The following DCDC1 variants were observed in gnomAD, a reference collection of about 807,000 sequenced individuals.
DCDC1 encodes the protein doublecortin domain-containing protein 1.
Under a neutral mutation model 178.3 loss-of-function variants are expected in DCDC1, and 200 were observed. The observed-to-expected ratio is 1.12, with a 90% CI of 1.00 to 1.26. DCDC1 has a LOEUF of 1.26. DCDC1 is among the 50% of genes most tolerant of loss of function. The pLI is 0.00. For synonymous variants in DCDC1, 690 were observed against 604.8 expected (o/e 1.14, Z -2.07); for missense variants, 1,983 against 1,749.2 (o/e 1.13, Z -2.38).
chr11:30,909,361 T>TG (rs1157735388), intron 28 of DCDC1, among the ~76,000 whole-genome samples: 1 of 152,160 alleles, frequency 6.6e-6, no homozygotes, highest in Admixed American at 6.5e-5. Flanking sequence ...CAATTTTTTT[T>TG]CTTAACAATA....
chr11:31,120,968 G>A (rs183556991), intron 11 of DCDC1, among the ~76,000 whole-genome samples: 6 of 152,308 alleles, frequency 3.9e-5, no homozygotes, highest in Admixed American at 3.9e-4. Context: ...GAAGGCAGAA[G>A]TCACTGAGCC....
At chr11:30,999,115 C>T (rs1270628837) in intron 20 of DCDC1, among the ~76,000 whole-genome samples, 1 of 152,060 alleles carries the variant, frequency 6.6e-6, no homozygotes. Context: ...AAAATGAGGA[C>T]ATTTTGGGAA....
chr11:31,193,629 G>T (rs993702883), intron 9 of DCDC1, among the ~76,000 whole-genome samples: 2 of 152,018 alleles, frequency 1.3e-5, no homozygotes, highest in African/African-American at 2.4e-5. Context: ...CCTTTACCTT[G>T]GAAAAATAAT....
At chr11:31,300,463 A>C (rs1252675179) in intron 6 of DCDC1, among the ~76,000 whole-genome samples, 1 of 152,152 alleles carries the variant, frequency 6.6e-6, no homozygotes, top group East Asian at 1.9e-4. Flanking sequence ...AGAAATATCC[A>C]ATAGGCATTT....
At chr11:31,069,626 C>G (rs1288691908) in intron 18 of DCDC1, among the ~76,000 whole-genome samples, 1 of 152,130 alleles carries the variant, frequency 6.6e-6, no homozygotes, top group Non-Finnish European at 1.5e-5. Flanking sequence ...CAGTAGAAAA[C>G]AAACAGTAGA....
At chr11:31,213,013 T>C (rs1354084062) in intron 9 of DCDC1, among the ~76,000 whole-genome samples, 1 of 151,924 alleles carries the variant, frequency 6.6e-6, no homozygotes, top group Admixed American at 6.6e-5. Flanking sequence ...TCCTTCTCTC[T>C]GCTCCTCACT....
intron 11 of DCDC1, among the ~76,000 whole-genome samples, chr11:31,124,777 A>T (rs531428426): frequency 6.6e-6 from 1 of 151,408 alleles, no homozygotes; most frequent in South Asian, 2.1e-4. Context: ...TATACAAAAA[A>T]CTCAGATGGA....
intron 20 of DCDC1, among the ~76,000 whole-genome samples, chr11:30,989,989 A>G (rs1950882710): frequency 6.6e-6 from 1 of 152,100 alleles, no homozygotes; most frequent in African/African-American, 2.4e-5. Context: ...AGCCCAAAAC[A>G]CTTAGACTGG....
chr11:31,290,713 C>G lies in DCDC1; in HGVS notation c.894G>C (p.Leu298=), dbSNP rs748382083. The G allele has an allele frequency of 1.9e-6, 3 of 1,613,378 alleles. No homozygotes were observed. The highest frequency in any genetic ancestry group is 1.3e-5 in the African/African-American group (1 of 74,896). Residue 298 remains leucine, a synonymous_variant, in exon 7 of 39, where the codon CTG becomes CTC. Coordinates refer to ENST00000684477, the MANE Select transcript of DCDC1 (RefSeq NM_001387274.1). ...KLTERTSVRI[L]FFKNGMGQDG... The stretch of plus-strand genomic sequence containing the variant: ...CCTGCCCCATGCCATTCTTAAAGAA[C>G]AGAATTCGGACTGAGGTCCTCTCAG...
At chr11:30,909,187 A>G in intron 28 of DCDC1, 71 bp from the exon 29 acceptor site, 1 of 1,350,710 alleles carries the variant, frequency 7.4e-7, no homozygotes, top group Non-Finnish European at 9.9e-7. Flanking sequence ...TTTTCATTGC[A>G]TATATCCAGA....
At chr11:30,954,005 C>CTTTTTT (rs5790847) in intron 20 of DCDC1, among the ~76,000 whole-genome samples, 11 of 76,508 alleles carry the variant, frequency 1.4e-4, no homozygotes, top group African/African-American at 3.8e-4. Context: ...TACAACAATT[C>CTTTTTT]TTTTTTTTTT....
Position 31,267,046 on chromosome 11 carries a change from T to C in DCDC1, c.961-1446A>G, listed in dbSNP as rs543801577. On this transcript the variant is annotated intron_variant, in intron 7 of 38. Coordinates refer to ENST00000684477, the MANE Select transcript of DCDC1 (RefSeq NM_001387274.1). ...ACTAATCATGTCCCCATGGACCACATGCTCCCATGACCATTCAAAGGGTTG... is the reference window on the plus strand; with the variant it reads ...ACTAATCATGTCCCCATGGACCACACGCTCCCATGACCATTCAAAGGGTTG... 5.3e-5 allele frequency among the ~76,000 whole-genome samples: 8 copies of C among 152,348 alleles called. No individual in the cohort carries two copies. The South Asian group carries it at 1.7e-3, about 32-fold the overall frequency.
chr11:30,979,049 A>G (rs1418314406), intron 20 of DCDC1, among the ~76,000 whole-genome samples: 1 of 152,222 alleles, frequency 6.6e-6, no homozygotes, highest in Admixed American at 6.6e-5. Flanking sequence ...TAGAGCCTCC[A>G]AACTCTGAAC....
chr11:31,191,261 A>G (rs1442190348), intron 9 of DCDC1, among the ~76,000 whole-genome samples: 1 of 152,072 alleles, frequency 6.6e-6, no homozygotes, highest in Non-Finnish European at 1.5e-5. Context: ...TGTGGAACCC[A>G]TGGATACAGA....
intron 8 of DCDC1, chr11:31,262,872 G>A: frequency 1.4e-5 from 7 of 503,232 alleles, no homozygotes; most frequent in Non-Finnish European, 2.0e-5. Context: ...TTTAAGTCCA[G>A]TGAACTTGTA....
intron 20 of DCDC1, among the ~76,000 whole-genome samples, chr11:31,011,566 T>C (rs1952167557): frequency 6.6e-6 from 1 of 152,186 alleles, no homozygotes; most frequent in African/African-American, 2.4e-5. Flanking sequence ...ATATTAACAA[T>C]GAAGTACCAT....
At chr11:31,224,032 A>T (rs540551718) in intron 9 of DCDC1, among the ~76,000 whole-genome samples, 2 of 152,030 alleles carry the variant, frequency 1.3e-5, no homozygotes, top group South Asian at 4.2e-4. Context: ...ATGAGATCTG[A>T]TGGGTTTATC....
At chr11:31,285,858 A>G (rs1946781556) in intron 7 of DCDC1, among the ~76,000 whole-genome samples, 3 of 152,132 alleles carry the variant, frequency 2.0e-5, no homozygotes, top group South Asian at 4.1e-4. Flanking sequence ...CTTGCTACAC[A>G]TAACCACTCT....
chr11:31,364,254 C>G (rs1273160042), intron 1 of DCDC1, among the ~76,000 whole-genome samples: 1 of 152,134 alleles, frequency 6.6e-6, no homozygotes, highest in Non-Finnish European at 1.5e-5. Flanking sequence ...CAAGGAGCTT[C>G]TGTATATAAA....
Sources: allele counts gnomAD v4.1 joint callset (sites outside exome capture counted in the v4.1 genomes callset), GRCh38; gene constraint gnomAD v4.1.1; transcripts MANE v1.5; gene names NCBI Gene and HGNC (gene_info 2026-07-23, HGNC 2026-07-21).